ARID3C: variants seen among roughly 807,000 people sequenced by gnomAD.
ARID3C encodes the protein AT-rich interaction domain 3C, also known as AT-rich interactive domain-containing protein 3C.
Under a neutral mutation model 37.9 loss-of-function variants are expected in ARID3C, and 42 were observed. The observed-to-expected ratio is 1.11, with a 90% confidence interval of 0.87 to 1.43. The LOEUF (loss-of-function observed/expected upper bound fraction) is 1.43, where lower values mean the gene tolerates loss of function less well. ARID3C is among the 40% of genes most tolerant of loss of function. The pLI is 0.00. For synonymous variants in ARID3C, 213 were observed against 228.0 expected (o/e 0.93, Z 0.59); for missense variants, 581 against 548.8 (o/e 1.06, Z -0.59).
upstream of ARID3C, among the ~76,000 whole-genome samples, chr9:34,631,616 A>G (rs1303734588): frequency 1.3e-5 from 2 of 151,818 alleles, no homozygotes; most frequent in African/African-American, 4.8e-5. Flanking sequence ...AGTGTGTCAG[A>G]TAGTGGTAAG....
At chr9:34,624,073 G>T in intron 2 of ARID3C, 26 bp from the exon 4 acceptor site, 1 of 1,555,746 alleles carries the variant, frequency 6.4e-7, no homozygotes. Flanking sequence ...CTGCCGTCAG[G>T]ACACTGAGAC....
upstream of ARID3C, among the ~76,000 whole-genome samples, chr9:34,630,052 C>T (rs551688102): frequency 1.3e-5 from 2 of 152,132 alleles, no homozygotes; most frequent in African/African-American, 2.4e-5. Flanking sequence ...CATGAGCTAC[C>T]GTACCCAGCC....
At chr9:34,622,190 C>G (rs1444522048) in intron 5 of ARID3C, 81 bp from the exon 7 acceptor site, 4 of 1,585,352 alleles carry the variant, frequency 2.5e-6, no homozygotes, top group African/African-American at 1.3e-5. Flanking sequence ...CCTCCATCCC[C>G]GTAGACAGCC....
At chr9:34,625,622 C>G (rs749521805) in intron 2 of ARID3C, 120 bp downstream of exon 3, 2 of 948,726 alleles carry the variant, frequency 2.1e-6, no homozygotes, top group Middle Eastern at 3.6e-4. Context: ...AAGACGCTAT[C>G]GAGGGCCCAA....
upstream of ARID3C, among the ~76,000 whole-genome samples, chr9:34,629,099 G>C (rs908471947): frequency 2.0e-5 from 3 of 152,170 alleles, no homozygotes; most frequent in East Asian, 3.9e-4. Context: ...GGACCCGAGC[G>C]GGGCAGGGCG....
intron 1 of ARID3C, 104 bp from the exon 3 acceptor site, chr9:34,625,918 C>A: frequency 7.8e-7 from 1 of 1,289,136 alleles, no homozygotes; most frequent in Non-Finnish European, 1.1e-6. Flanking sequence ...CTGAAGGAGT[C>A]AGTAGGATCT....
At chr9:34,632,006 G>T (rs561017254), upstream of ARID3C, among the ~76,000 whole-genome samples, 11 of 152,328 alleles carry the variant, frequency 7.2e-5, no homozygotes, top group East Asian at 2.1e-3. Context: ...AGACAGCAAT[G>T]CTTTTTATGG....
intron 2 of ARID3C, among the ~76,000 whole-genome samples, chr9:34,624,320 C>G (rs941010294): frequency 2.6e-5 from 4 of 152,240 alleles, no homozygotes; most frequent in Admixed American, 2.0e-4. Context: ...TAGAGAATAC[C>G]TGAAGGAATG....
chr9:34,626,318 G>T (rs1053686668), intron 1 of ARID3C, among the ~76,000 whole-genome samples: 3 of 152,148 alleles, frequency 2.0e-5, no homozygotes, highest in African/African-American at 7.2e-5. Context: ...CAGGCAGGGT[G>T]ATGCTCAGAA....
chr9:34,624,021 T>C, exon 3 of ARID3C: 1 of 1,597,590 alleles, frequency 6.3e-7, no homozygotes, highest in Non-Finnish European at 8.5e-7. Context: ...TGCTTCGCCA[T>C]GATGGGCACG....
At chr9:34,627,744 G>T in exon 1 of ARID3C, 2 of 1,614,066 alleles carry the variant, frequency 1.2e-6, no homozygotes, top group Non-Finnish European at 1.7e-6. Context: ...TGGAGTCCAG[G>T]GGGCTGGCTA....
At chr9:34,624,004 G>A in exon 3 of ARID3C, 5 of 1,600,864 alleles carry the variant, frequency 3.1e-6, no homozygotes, top group Non-Finnish European at 4.3e-6. Context: ...CGTACAGGTC[G>A]AGCACCTGCT....
rs1029978349 is a variant in ARID3C at position 34,622,238 on chromosome 9, T to C, written c.1048+109A>G. ...CAGCCCCACACCTATACTCACACAGTTGTCTACAGAGGAATCTGTCTGCCC... is the reference window on the plus strand; with the variant it reads ...CAGCCCCACACCTATACTCACACAGCTGTCTACAGAGGAATCTGTCTGCCC... On this transcript the variant is annotated intron_variant, in intron 5 of 6. Coordinates refer to ENST00000378909, the Ensembl canonical transcript of ARID3C. The C allele has an allele frequency of 1.9e-6, 3 of 1,566,448 alleles. No individual in the cohort carries two copies. In the African/African-American group the frequency reaches 4.1e-5, roughly 21 times the overall value.
chr9:34,632,025 T>C (rs1439236522), upstream of ARID3C, among the ~76,000 whole-genome samples: 1 of 152,244 alleles, frequency 6.6e-6, no homozygotes, highest in African/African-American at 2.4e-5. Flanking sequence ...GGCCTAGTCC[T>C]AGAAGTCACA....
At chr9:34,631,446 C>T (rs1250028671), upstream of ARID3C, among the ~76,000 whole-genome samples, 2 of 152,180 alleles carry the variant, frequency 1.3e-5, no homozygotes, top group East Asian at 3.9e-4. Context: ...GGTCTTATAC[C>T]TCACAGAGAC....
At chr9:34,629,121 TGGGGAGAGGC>T (rs1820699511), upstream of ARID3C, among the ~76,000 whole-genome samples, 1 of 152,002 alleles carries the variant, frequency 6.6e-6, no homozygotes, top group African/African-American at 2.4e-5. Context: ...GCGGGGCGCA[TGGGGAGAGGC>T]CCCTGTGGGA....
chr9:34,631,043 T>G (rs1052309363), upstream of ARID3C, among the ~76,000 whole-genome samples: 1 of 152,198 alleles, frequency 6.6e-6, no homozygotes, highest in Non-Finnish European at 1.5e-5. Context: ...GGAAGTCTAC[T>G]GGAAGACTGG....
At chr9:34,622,553 C>A in intron 4 of ARID3C, 24 bp from the exon 6 acceptor site, 6 of 1,560,250 alleles carry the variant, frequency 3.8e-6, no homozygotes, top group Non-Finnish European at 4.3e-6. Flanking sequence ...TTATTCAGCT[C>A]CCCTGGCCAA....
chr9:34,627,858 C>T, exon 1 of ARID3C: 1 of 1,592,368 alleles, frequency 6.3e-7, no homozygotes, highest in East Asian at 2.3e-5. Context: ...GCATCTTCCT[C>T]TTCCTCAGCC....
Sources: gnomAD v4.1 joint callset for allele counts (sites outside exome capture counted in the v4.1 genomes callset) on GRCh38, gnomAD v4.1.1 for gene constraint, MANE v1.5 for transcripts, NCBI Gene and HGNC (gene_info 2026-07-23, HGNC 2026-07-21) for gene names.